Variants in CHM observed in about 807,000 individuals in gnomAD.
CHM encodes the protein rab proteins geranylgeranyltransferase component A 1.
A neutral mutation model predicts 49.0 loss-of-function variants in CHM; 10 were observed. The ratio of observed to expected loss-of-function variants is 0.20; its 90% CI spans 0.13 to 0.35. CHM has a LOEUF of 0.35. Among genes scored for constraint, CHM ranks in the 10% least tolerant of loss-of-function variants. The pLI is 1.00. For missense variants in CHM, 455 were observed against 478.4 expected (o/e 0.95, Z 0.46); for synonymous variants, 184 against 167.5 (o/e 1.10, Z -0.76).
chrX:85,945,739 G>C (rs1465860630), intron 8 of CHM, among the ~76,000 whole-genome samples: 1 of 110,846 alleles, frequency 9.0e-6, no homozygotes. Flanking sequence ...AGCAACTTTA[G>C]AACTGCACAA....
intron 8 of CHM, among the ~76,000 whole-genome samples, chrX:85,949,278 GA>G (rs1929594444): frequency 8.9e-6 from 1 of 111,878 alleles, no homozygotes; most frequent in African/African-American, 3.2e-5. Flanking sequence ...CCCTTCAAAA[GA>G]AATAAAAACA....
At chrX:85,970,686 A>G (rs910196931) in intron 4 of CHM, 5 of 124,829 alleles carry the variant, frequency 4.0e-5, no homozygotes, top group Non-Finnish European at 7.7e-5. Context: ...CCACAAAGAT[A>G]ATATCCAATA....
intron 5 of CHM, among the ~76,000 whole-genome samples, chrX:85,961,572 C>T (rs1930298269): frequency 9.2e-6 from 1 of 108,291 alleles, no homozygotes; most frequent in South Asian, 4.1e-4. Context: ...ACATGGAATA[C>T]ATTGCTTTCC....
chrX:85,935,094 G>T (rs1372794220), intron 8 of CHM, among the ~76,000 whole-genome samples: 2 of 111,701 alleles, frequency 1.8e-5, no homozygotes, highest in Non-Finnish European at 3.8e-5. Context: ...CATGGTGCCA[G>T]CATCTGCTTC....
At chrX:85,983,891 C>T (rs1931762424) in intron 2 of CHM, among the ~76,000 whole-genome samples, 1 of 111,211 alleles carries the variant, frequency 9.0e-6, no homozygotes. Context: ...CAAATATTCA[C>T]AAAACATATC....
intron 2 of CHM, among the ~76,000 whole-genome samples, chrX:86,002,452 G>C (rs1015599839): frequency 2.7e-5 from 3 of 111,783 alleles, no homozygotes; most frequent in African/African-American, 9.8e-5. Context: ...GGCCGAATAG[G>C]AACACCTCTG....
chrX:85,965,952 G>T (rs1230707804), intron 4 of CHM, among the ~76,000 whole-genome samples: 1 of 111,681 alleles, frequency 9.0e-6, no homozygotes, highest in Non-Finnish European at 1.9e-5. Context: ...CATATAAAAT[G>T]GGGATCAGTC....
At chrX:85,897,448 C>T (rs1408070090) in intron 11 of CHM, among the ~76,000 whole-genome samples, 1 of 106,981 alleles carries the variant, frequency 9.3e-6, no homozygotes, top group Non-Finnish European at 1.9e-5. Context: ...TGTACAAGAG[C>T]ACTTGTCAAA....
At chrX:85,892,043 T>C (rs762074999) in intron 12 of CHM, among the ~76,000 whole-genome samples, 91 of 111,689 alleles carry the variant, frequency 8.1e-4, no homozygotes, top group Non-Finnish European at 1.4e-3. Context: ...TGTAAACCCT[T>C]TGTTTTGGCC....
chrX:86,032,484 G>GA (rs1185850580), intron 1 of CHM, among the ~76,000 whole-genome samples: 443 of 101,856 alleles, frequency 4.3e-3, no homozygotes, highest in East Asian at 0.019. Flanking sequence ...TTATTTGAAG[G>GA]AAAAAAAAAA....
chrX:85,892,643 G>T (rs1486842342), intron 12 of CHM, among the ~76,000 whole-genome samples: 1 of 110,836 alleles, frequency 9.0e-6, no homozygotes, highest in Non-Finnish European at 1.9e-5. Flanking sequence ...GCATGAAAAG[G>T]GACTAATACA....
At chrX:86,006,136 C>A (rs1163565265) in intron 2 of CHM, among the ~76,000 whole-genome samples, 2 of 111,886 alleles carry the variant, frequency 1.8e-5, no homozygotes, top group Non-Finnish European at 3.8e-5. Context: ...TGTAATCCAG[C>A]ATATAAACAG....
chrX:85,911,396 A>G (rs764417927), intron 8 of CHM, 58 bp from the exon 9 acceptor site: 37 of 575,926 alleles, frequency 6.4e-5, no homozygotes, highest in South Asian at 5.7e-4. Flanking sequence ...TAAAGGTAAA[A>G]GTATTTTCTT....
chrX:85,894,698 G>C lies in CHM; in HGVS notation c.1414-414C>G, dbSNP rs182085272. Among the ~76,000 whole-genome samples, 9 of 111,211 alleles carry C rather than the reference G, an allele frequency of 8.1e-5. No individual in the cohort carries two copies. In the East Asian group the frequency reaches 2.3e-3, roughly 28 times the overall value. ...ATTCAACTAGTACACTCCAAAATCT[G>C]AAAAAATCTGAAATCCCAAACACCT... is the stretch of plus-strand genomic sequence containing the variant. On this transcript the variant is annotated intron_variant, in intron 11 of 14. Transcript: ENST00000357749.
intron 2 of CHM, among the ~76,000 whole-genome samples, chrX:85,997,907 G>A (rs1044743986): frequency 1.2e-4 from 13 of 109,900 alleles, no homozygotes; most frequent in Non-Finnish European, 1.7e-4. Context: ...CTGAGATGGC[G>A]TCACTGCACT....
chrX:85,892,609 A>G (rs1925551137), intron 12 of CHM, among the ~76,000 whole-genome samples: 1 of 110,846 alleles, frequency 9.0e-6, no homozygotes, highest in East Asian at 2.8e-4. Context: ...TTCCTTCTCA[A>G]TTTCGGGTAG....
At chrX:86,035,856 C>T (rs4828354) in intron 1 of CHM, among the ~76,000 whole-genome samples, 5,637 of 97,965 alleles carry the variant, frequency 0.058, 284 homozygotes, top group African/African-American at 0.15. Flanking sequence ...TGCAGTAGCG[C>T]GATCTCGGCT....
chrX:86,013,094 C>G (rs1449106223), intron 2 of CHM, among the ~76,000 whole-genome samples: 2 of 111,497 alleles, frequency 1.8e-5, no homozygotes, highest in African/African-American at 3.3e-5. Flanking sequence ...CTATTCTGAG[C>G]CCATAAAAAA....
chrX:85,892,097 C>A (rs1233502459), intron 12 of CHM, among the ~76,000 whole-genome samples: 2 of 111,703 alleles, frequency 1.8e-5, no homozygotes, highest in African/African-American at 3.3e-5. Context: ...AATACCTGGA[C>A]CCCCATTGTA....
Sources: allele counts gnomAD v4.1 joint callset (sites outside exome capture counted in the v4.1 genomes callset), GRCh38; gene constraint gnomAD v4.1.1; transcripts MANE v1.5; gene names NCBI Gene and HGNC (gene_info 2026-07-23, HGNC 2026-07-21).